Variants in CILK1 observed in about 807,000 individuals in gnomAD.
CILK1 encodes serine/threonine-protein kinase ICK.
In CILK1, 47 loss-of-function variants were observed where a neutral mutation model predicts 79.2. The observed-to-expected ratio is 0.59, with a 90% CI of 0.47 to 0.76. The LOEUF is 0.76. Among genes scored for constraint, CILK1 ranks in the 30% least tolerant of loss-of-function variants. CILK1 has a pLI of 0.00. For missense variants in CILK1, 660 were observed against 769.5 expected, an observed-to-expected ratio of 0.86 and a Z score of 1.68; for synonymous variants, 266 against 275.9, an observed-to-expected ratio of 0.96 and a Z score of 0.36.
At chr6:53,008,235 T>C (rs1208938912) in intron 12 of CILK1, among the ~76,000 whole-genome samples, 2 of 151,628 alleles carry the variant, frequency 1.3e-5, no homozygotes, top group Admixed American at 1.3e-4. Flanking sequence ...GCTACACATA[T>C]ATTTATTAAA....
chr6:53,054,330 G>A lies in CILK1; in HGVS notation c.-173+7266C>T, dbSNP rs140798976. Among the ~76,000 whole-genome samples the A allele has an allele frequency of 2.3e-3, 350 of 152,194 alleles. 9 individuals are homozygous for A. The East Asian group carries it at 0.056, about 24-fold the overall frequency. On this transcript the variant is annotated intron_variant, in intron 1 of 13. Transcript: ENST00000676107. ...CAGGTGTACCCTCTGCTTCAGCCTCGACACTCTCCAAGACTGCTTCATCTT... is the reference window on the plus strand; with the variant it reads ...CAGGTGTACCCTCTGCTTCAGCCTCAACACTCTCCAAGACTGCTTCATCTT...
chr6:53,028,418 T>G (rs886624945), intron 5 of CILK1, among the ~76,000 whole-genome samples: 2 of 152,232 alleles, frequency 1.3e-5, no homozygotes, highest in Non-Finnish European at 2.9e-5. Context: ...CAAACAGGCA[T>G]AGGCTATCTG....
chr6:53,024,500 A>ATTCT (rs1334406811), intron 5 of CILK1, among the ~76,000 whole-genome samples: 3 of 152,230 alleles, frequency 2.0e-5, no homozygotes, highest in Non-Finnish European at 4.4e-5. Context: ...TCCAGCTTGC[A>ATTCT]GAAGGCCTGA....
Position 53,006,314 on chromosome 6 carries a change from C to T in CILK1, c.1744+1G>A. On this transcript the variant is annotated splice_donor_variant, in intron 13 of 13. Coordinates refer to ENST00000676107, the MANE Select transcript of CILK1 (RefSeq NM_014920.5). LOFTEE classifies it high-confidence loss of function. ...CATGAATAATTTAAAATACAACTCA[C>T]CAGGGGAAGGGTCTGGAATAGGTGC... is the stretch of plus-strand genomic sequence containing the variant. 6.2e-7 allele frequency: 1 copy of T among 1,613,368 alleles called. No homozygotes were observed. The highest frequency in any genetic ancestry group is 8.5e-7 in the Non-Finnish European group (1 of 1,179,466).
chr6:53,041,470 T>G (rs1369301224), intron 1 of CILK1, 62 bp from the exon 2 acceptor site: 1 of 488,734 alleles, frequency 2.0e-6, no homozygotes, highest in East Asian at 3.9e-5. Flanking sequence ...TACGTGTTTT[T>G]GTAAGTCTAA....
At chr6:53,007,152 G>T (rs1348462698) in intron 12 of CILK1, among the ~76,000 whole-genome samples, 1 of 152,176 alleles carries the variant, frequency 6.6e-6, no homozygotes, top group Non-Finnish European at 1.5e-5. Flanking sequence ...ATGGAATAAT[G>T]AAGACTGTTA....
chr6:53,010,382 C>T (rs1244517365), intron 11 of CILK1, among the ~76,000 whole-genome samples: 4 of 152,232 alleles, frequency 2.6e-5, no homozygotes, highest in Non-Finnish European at 5.9e-5. Context: ...TCAGCCTGTG[C>T]CGCCATCTCC....
intron 1 of CILK1, among the ~76,000 whole-genome samples, chr6:53,060,375 A>G (rs748899910): frequency 3.9e-5 from 6 of 152,168 alleles, no homozygotes; most frequent in Admixed American, 2.6e-4. Context: ...CTGAACCTAG[A>G]TTGGTTTCAT....
intron 11 of CILK1, among the ~76,000 whole-genome samples, chr6:53,011,266 C>A (rs531485067): frequency 2.0e-3 from 304 of 152,238 alleles, no homozygotes; most frequent in Non-Finnish European, 3.6e-3. Context: ...GTTTCCTATA[C>A]CATATTTCTT....
intron 5 of CILK1, among the ~76,000 whole-genome samples, chr6:53,022,945 T>TC (rs386407081): frequency 6.6e-6 from 1 of 151,938 alleles, no homozygotes; most frequent in Non-Finnish European, 1.5e-5. Context: ...CCATTTTTTT[T>TC]TTTTTTGAGA....
At chr6:53,049,734 TTTTC>T (rs1264638849) in intron 1 of CILK1, among the ~76,000 whole-genome samples, 5 of 152,078 alleles carry the variant, frequency 3.3e-5, no homozygotes, top group African/African-American at 1.2e-4. Context: ...CTGAGTTCTT[TTTTC>T]TTTTTGTGAG....
chr6:53,058,050 G>A (rs1050170638), intron 1 of CILK1, among the ~76,000 whole-genome samples: 7 of 152,148 alleles, frequency 4.6e-5, no homozygotes, highest in African/African-American at 1.7e-4. Flanking sequence ...CCCACGACAA[G>A]ACACTCTTCC....
chr6:53,019,441 A>G (rs1765086564), intron 5 of CILK1, 82 bp from the exon 6 acceptor site: 1 of 1,478,072 alleles, frequency 6.8e-7, no homozygotes, highest in African/African-American at 1.4e-5. Context: ...TCTCTGCAAA[A>G]TAGTTATAAT....
At chr6:53,017,055 A>G (rs1764932508) in intron 7 of CILK1, among the ~76,000 whole-genome samples, 1 of 152,270 alleles carries the variant, frequency 6.6e-6, no homozygotes. Flanking sequence ...AAGAGAAAAG[A>G]GCATTTATTT....
chr6:53,056,339 T>C (rs1287767807), intron 1 of CILK1, among the ~76,000 whole-genome samples: 1 of 152,254 alleles, frequency 6.6e-6, no homozygotes, highest in Non-Finnish European at 1.5e-5. Context: ...ACGTTTTTTC[T>C]GTGAAGGGTC....
intron 1 of CILK1, 102 bp from the exon 2 acceptor site, chr6:53,041,510 C>G: frequency 2.4e-6 from 1 of 419,092 alleles, no homozygotes; most frequent in Admixed American, 3.5e-5. Context: ...ACAGTCATAC[C>G]CACATACTTG....
chr6:53,030,944 C>T, intron 5 of CILK1, 121 bp downstream of exon 5: 3 of 720,214 alleles, frequency 4.2e-6, no homozygotes, highest in Non-Finnish European at 7.6e-6. Flanking sequence ...CCATTGTCAG[C>T]CTCTCAACTC....
chr6:53,030,747 A>G (rs1248266443), intron 5 of CILK1, among the ~76,000 whole-genome samples: 3 of 152,228 alleles, frequency 2.0e-5, no homozygotes, highest in Non-Finnish European at 4.4e-5. Context: ...CAAACATAAT[A>G]CATGAAACTG....
intron 10 of CILK1, 33 bp from the exon 11 acceptor site, chr6:53,011,950 G>A (rs903355235): frequency 4.3e-6 from 7 of 1,614,064 alleles, no homozygotes; most frequent in Non-Finnish European, 5.9e-6. Flanking sequence ...GGGTCAGCAC[G>A]AGAGACAGTA....
Sources: allele counts gnomAD v4.1 joint callset (sites outside exome capture counted in the v4.1 genomes callset), GRCh38; gene constraint gnomAD v4.1.1; transcripts MANE v1.5; gene names NCBI Gene and HGNC (gene_info 2026-07-23, HGNC 2026-07-21).